The following KCTD1 variants were observed in gnomAD, a reference collection of about 807,000 sequenced individuals.
KCTD1 encodes the protein potassium channel tetramerization domain containing 1.
Under a neutral mutation model 66.0 loss-of-function variants are expected in KCTD1, and 24 were observed. The ratio of observed to expected loss-of-function variants is 0.36; its 90% CI spans 0.26 to 0.51. The LOEUF (loss-of-function observed/expected upper bound fraction) is 0.51, where lower values mean the gene tolerates loss of function less well. Ranked by LOEUF, KCTD1 falls within the 20% of genes least tolerant of loss-of-function variation. KCTD1 has a pLI of 0.95. For missense variants in KCTD1, 943 were observed against 1,205.2 expected (o/e 0.78, Z 3.22); for synonymous variants, 511 against 517.2 (o/e 0.99, Z 0.16).
intron 1 of KCTD1, chr18:26,545,416 T>C (rs570919157): frequency 6.6e-6 from 1 of 152,346 alleles, no homozygotes; most frequent in African/African-American, 2.4e-5. Context: ...TTGTGTATTT[T>C]AGAGAACTTT....
chr18:26,627,270 GTGTGTGT>G (rs1987522479), intron 1 of KCTD1, among the ~76,000 whole-genome samples: 1 of 31,800 alleles, frequency 3.1e-5, no homozygotes, highest in African/African-American at 6.1e-5. Flanking sequence ...TTTTGTGTGT[GTGTGTGT>G]GTGTGTGTGT....
At chr18:26,459,394 G>A (rs1318098821) in intron 4 of KCTD1, 5 of 511,810 alleles carry the variant, frequency 9.8e-6, no homozygotes, top group East Asian at 6.3e-5. Flanking sequence ...CAGCTGTCGT[G>A]TTCTATATCT....
chr18:26,511,996 A>G (rs1983358194), intron 1 of KCTD1, among the ~76,000 whole-genome samples: 1 of 152,230 alleles, frequency 6.6e-6, no homozygotes, highest in South Asian at 2.1e-4. Flanking sequence ...TAAATAAATC[A>G]TAAACTTATT....
chr18:26,458,828 C>T (rs1396898388), intron 4 of KCTD1: 1 of 152,258 alleles, frequency 6.6e-6, no homozygotes, highest in Non-Finnish European at 1.5e-5. Context: ...CACTTTTCAG[C>T]TGCTTGAACC....
intron 1 of KCTD1, 145 bp from the exon 2 acceptor site, chr18:26,501,395 A>G: frequency 1.5e-6 from 1 of 676,048 alleles, no homozygotes; most frequent in Non-Finnish European, 2.4e-6. Context: ...TGCTTTTGTT[A>G]TAATGAATAT....
intron 2 of KCTD1, among the ~76,000 whole-genome samples, chr18:26,479,344 G>T (rs1344507557): frequency 6.6e-6 from 1 of 152,090 alleles, no homozygotes; most frequent in Non-Finnish European, 1.5e-5. Context: ...CTTATGAGGG[G>T]GTCCAGTCAA....
At chr18:26,562,388 T>TG (rs1055794638) in intron 1 of KCTD1, among the ~76,000 whole-genome samples, 28 of 140,764 alleles carry the variant, frequency 2.0e-4, no homozygotes, top group Admixed American at 1.8e-3. Context: ...CACATCACCA[T>TG]GCTCGGCTAA....
intron 1 of KCTD1, among the ~76,000 whole-genome samples, chr18:26,626,685 G>A (rs1224949131): frequency 6.6e-6 from 1 of 152,074 alleles, no homozygotes; most frequent in East Asian, 1.9e-4. Flanking sequence ...ATGTTGCCTA[G>A]GCTGGTTTTG....
At chr18:26,540,700 ATT>A (rs1369463357) in intron 1 of KCTD1, among the ~76,000 whole-genome samples, 2 of 152,218 alleles carry the variant, frequency 1.3e-5, no homozygotes, top group East Asian at 1.9e-4. Context: ...TCTTGATAAC[ATT>A]TTCTTTTCTC....
chr18:26,582,618 A>C (rs537003597), intron 1 of KCTD1, among the ~76,000 whole-genome samples: 3 of 152,368 alleles, frequency 2.0e-5, no homozygotes, highest in South Asian at 4.1e-4. Context: ...CATTGCTTAC[A>C]ATCCCAAAAT....
intron 3 of KCTD1, among the ~76,000 whole-genome samples, chr18:26,472,254 A>G (rs144399500): frequency 0.018 from 2,804 of 152,180 alleles, 43 homozygotes; most frequent in Middle Eastern, 0.078. Context: ...ACATGAGGTG[A>G]TTTTCATATT....
intron 1 of KCTD1, among the ~76,000 whole-genome samples, chr18:26,539,648 C>T (rs1014955846): frequency 6.6e-6 from 1 of 152,112 alleles, no homozygotes; most frequent in African/African-American, 2.4e-5. Flanking sequence ...TGCCTTATGC[C>T]CCTACAGTGC....
chr18:26,547,590 AT>A lies in KCTD1; in HGVS notation c.946del (p.Met316CysfsTer103). On this transcript the variant is annotated frameshift_variant, in exon 1 of 5. Coordinates refer to ENST00000580059, the MANE Select transcript of KCTD1 (RefSeq NM_001142730.3). LOFTEE classifies it high-confidence loss of function. ...CTCGCGGCCGCGGGTACAGAAGTAC[AT>A]GCACGTCTCGAACCAGACCTTGTTG... is the stretch of plus-strand genomic sequence containing the variant. ...LLNKVWFETC[M>X]YFCTRGRENQ... The A allele has an allele frequency of 6.4e-7, 1 of 1,551,438 alleles. No individual in the cohort carries two copies. The highest frequency in any genetic ancestry group is 8.7e-7 in the Non-Finnish European group (1 of 1,146,822).
chr18:26,546,626 A>G, intron 1 of KCTD1, 102 bp downstream of exon 1: 1 of 1,315,290 alleles, frequency 7.6e-7, no homozygotes, highest in Non-Finnish European at 1.0e-6. Context: ...TACATTACCT[A>G]CTTTTTAAAA....
intron 1 of KCTD1, among the ~76,000 whole-genome samples, chr18:26,645,816 C>A (rs1179351875): frequency 6.6e-6 from 1 of 152,078 alleles, no homozygotes; most frequent in Admixed American, 6.5e-5. Context: ...TGGGAACCTG[C>A]TAGAAATGCA....
chr18:26,500,975 C>T (rs553040015), intron 2 of KCTD1, 97 bp downstream of exon 2: 2 of 1,356,434 alleles, frequency 1.5e-6, no homozygotes, highest in South Asian at 1.4e-5. Flanking sequence ...ATCCTGCCCC[C>T]TGCCTCCACG....
intron 1 of KCTD1, among the ~76,000 whole-genome samples, chr18:26,639,157 T>G (rs1987784208): frequency 6.6e-6 from 1 of 152,190 alleles, no homozygotes; most frequent in Non-Finnish European, 1.5e-5. Context: ...CAGGAGTTCC[T>G]AGTGTGAACA....
upstream of KCTD1, among the ~76,000 whole-genome samples, chr18:26,642,572 G>A (rs1403479846): frequency 6.6e-6 from 1 of 152,092 alleles, no homozygotes; most frequent in Admixed American, 6.5e-5. Context: ...ACAAACTAGA[G>A]CACTAACTAA....
At chr18:26,463,415 C>CAAAAAAAAAGAG (rs1555632239) in intron 3 of KCTD1, among the ~76,000 whole-genome samples, 1 of 147,178 alleles carries the variant, frequency 6.8e-6, no homozygotes, top group Non-Finnish European at 1.5e-5. Context: ...AGACCCATCT[C>CAAAAAAAAAGAG]AAAAAAAAAG....
Sources: gnomAD v4.1 joint callset for allele counts (sites outside exome capture counted in the v4.1 genomes callset) on GRCh38, gnomAD v4.1.1 for gene constraint, MANE v1.5 for transcripts, NCBI Gene and HGNC (gene_info 2026-07-23, HGNC 2026-07-21) for gene names.